The following FMN1 variants were observed in gnomAD, a reference collection of about 807,000 sequenced individuals.
FMN1 encodes the protein formin-1.
FMN1 carries 110 observed loss-of-function variants against 132.4 expected under a neutral mutation model. That is an observed-to-expected ratio of 0.83 (90% CI 0.71 to 0.97). FMN1 has a LOEUF of 0.97. Ranked by LOEUF, FMN1 falls within the 50% of genes least tolerant of loss-of-function variation. The pLI is 0.00. For synonymous variants in FMN1, 722 were observed against 651.7 expected (o/e 1.11, Z -1.64); for missense variants, 1,792 against 1,705.3 (o/e 1.05, Z -0.90).
chr15:33,018,446 C>A (rs1313613465), intron 6 of FMN1, among the ~76,000 whole-genome samples: 1 of 152,060 alleles, frequency 6.6e-6, no homozygotes, highest in East Asian at 1.9e-4. Flanking sequence ...CACCAATGGC[C>A]AATGATTTCA....
At chr15:33,175,692 T>C (rs1297823900) in intron 3 of FMN1, among the ~76,000 whole-genome samples, 2 of 152,152 alleles carry the variant, frequency 1.3e-5, no homozygotes, top group Non-Finnish European at 2.9e-5. Flanking sequence ...CAAAATTTAG[T>C]GCCCATTAAA....
chr15:33,020,497 A>T (rs1037596260), intron 6 of FMN1, among the ~76,000 whole-genome samples: 5 of 152,126 alleles, frequency 3.3e-5, no homozygotes, highest in African/African-American at 1.2e-4. Context: ...AAATACAAAA[A>T]GTAGCCGGGC....
At chr15:32,826,031 G>A (rs1249114475) in intron 17 of FMN1, among the ~76,000 whole-genome samples, 1 of 152,336 alleles carries the variant, frequency 6.6e-6, no homozygotes, top group Non-Finnish European at 1.5e-5. Context: ...AGCACATTTT[G>A]GATAAGGCTG....
chr15:32,806,990 C>T (rs1387438028), intron 17 of FMN1, among the ~76,000 whole-genome samples: 1 of 152,184 alleles, frequency 6.6e-6, no homozygotes, highest in East Asian at 1.9e-4. Flanking sequence ...TGAATGTAAG[C>T]TCTAGGAGGG....
At chr15:32,994,824 A>G (rs1458665551) in intron 7 of FMN1, among the ~76,000 whole-genome samples, 1 of 152,230 alleles carries the variant, frequency 6.6e-6, no homozygotes, top group Non-Finnish European at 1.5e-5. Context: ...AGCCATAAAC[A>G]TAGCATGTAC....
rs111674838 is a variant in FMN1 at position 33,143,541 on chromosome 15, G to C, written c.1867+9507C>G. Among the ~76,000 whole-genome samples, 360 of 152,198 alleles carry C rather than the reference G, an allele frequency of 2.4e-3. 3 individuals are homozygous for C. The highest frequency in any genetic ancestry group is 8.2e-3 in the African/African-American group (341 of 41,524). ...AAAAACCAAAAATAAAGAGACATCT[G>C]TTTCCATTTTGAAGTGTTCTATCAC... On this transcript the variant is annotated intron_variant, in intron 4 of 20. Coordinates refer to ENST00000616417, the MANE Select transcript of FMN1 (RefSeq NM_001277313.2).
intron 7 of FMN1, among the ~76,000 whole-genome samples, chr15:32,996,560 G>A (rs921521251): frequency 1.3e-5 from 2 of 152,008 alleles, no homozygotes; most frequent in African/African-American, 4.8e-5. Context: ...AGGGTAAGAG[G>A]GCCACCTCAT....
At chr15:32,859,401 A>G (rs933292550) in intron 16 of FMN1, among the ~76,000 whole-genome samples, 11 of 152,196 alleles carry the variant, frequency 7.2e-5, no homozygotes, top group African/African-American at 2.4e-4. Context: ...AAGCTGTTCA[A>G]TGTTTTCCAG....
intron 6 of FMN1, among the ~76,000 whole-genome samples, chr15:33,056,957 C>T (rs2037244823): frequency 6.6e-6 from 1 of 152,232 alleles, no homozygotes; most frequent in Non-Finnish European, 1.5e-5. Flanking sequence ...CAGGCGATCA[C>T]TGGAGGTCAG....
intron 6 of FMN1, among the ~76,000 whole-genome samples, chr15:33,040,814 T>C (rs16963951): frequency 0.036 from 5,508 of 152,294 alleles, 350 homozygotes; most frequent in African/African-American, 0.13. Flanking sequence ...TGAAGGAGTC[T>C]TCACATTAAA....
At chr15:33,181,707 C>CTTT (rs753993602) in intron 2 of FMN1, among the ~76,000 whole-genome samples, 13 of 126,208 alleles carry the variant, frequency 1.0e-4, no homozygotes, top group Non-Finnish European at 1.5e-4. Flanking sequence ...TTTTTTCTTT[C>CTTT]TTTTTTTTTT....
intron 7 of FMN1, among the ~76,000 whole-genome samples, chr15:32,970,992 C>T (rs555787227): frequency 2.8e-4 from 42 of 152,266 alleles, no homozygotes; most frequent in East Asian, 5.8e-4. Context: ...GTCTATTTCT[C>T]GTGCAGTGCA....
chr15:33,114,706 A>C (rs345760), intron 4 of FMN1, among the ~76,000 whole-genome samples: 1 of 152,142 alleles, frequency 6.6e-6, no homozygotes. Flanking sequence ...AATGTCTCCT[A>C]AACTATAAAC....
At chr15:33,141,575 G>A (rs1387037111) in intron 4 of FMN1, among the ~76,000 whole-genome samples, 2 of 152,174 alleles carry the variant, frequency 1.3e-5, no homozygotes, top group African/African-American at 2.4e-5. Context: ...TGGAGAAGAT[G>A]CAATTTTGAC....
chr15:33,130,428 G>A (rs151145723), intron 4 of FMN1, among the ~76,000 whole-genome samples: 1 of 152,218 alleles, frequency 6.6e-6, no homozygotes, highest in Non-Finnish European at 1.5e-5. Context: ...ATTGAGACAA[G>A]TTGTGGGCTG....
chr15:33,104,928 G>A (rs2039427905), intron 4 of FMN1, among the ~76,000 whole-genome samples: 1 of 152,040 alleles, frequency 6.6e-6, no homozygotes, highest in South Asian at 2.1e-4. Flanking sequence ...GAATCTAATT[G>A]GTGGTGATTT....
At chr15:32,908,603 CAAAAAAAAAA>C (rs71424680) in intron 11 of FMN1, 25 bp from the exon 12 acceptor site, 5 of 602,032 alleles carry the variant, frequency 8.3e-6, no homozygotes, top group South Asian at 6.7e-5. Context: ...AAAACAAAAC[CAAAAAAAAAA>C]AAAAAAAAAA....
intron 10 of FMN1, among the ~76,000 whole-genome samples, chr15:32,917,987 C>G (rs1234234284): frequency 3.9e-5 from 6 of 152,112 alleles, no homozygotes; most frequent in Non-Finnish European, 5.9e-5. Context: ...TGGTTCACTT[C>G]TAATACGCTA....
At chr15:33,043,450 G>T (rs75180953) in intron 6 of FMN1, among the ~76,000 whole-genome samples, 1,564 of 152,262 alleles carry the variant, frequency 0.01, 4 homozygotes, top group Non-Finnish European at 0.018. Flanking sequence ...TACATCACTT[G>T]CCTTTTGCCG....
Sources: allele counts gnomAD v4.1 joint callset (sites outside exome capture counted in the v4.1 genomes callset), GRCh38; gene constraint gnomAD v4.1.1; transcripts MANE v1.5; gene names NCBI Gene and HGNC (gene_info 2026-07-23, HGNC 2026-07-21).